Variants in RAPGEF2 observed in about 807,000 individuals in gnomAD.
The protein encoded by RAPGEF2 is Rap guanine nucleotide exchange factor 2.
RAPGEF2 carries 54 observed loss-of-function variants against 186.7 expected under a neutral mutation model. That is an observed-to-expected ratio of 0.29 (90% confidence interval 0.23 to 0.36). The LOEUF (loss-of-function observed/expected upper bound fraction) is 0.36, where lower values mean the gene tolerates loss of function less well. RAPGEF2 is among the 10% of genes least tolerant of loss of function. The probability of loss-of-function intolerance (pLI) is 1.00; values close to 1 mark genes in which losing one functional copy is unlikely to be tolerated. For synonymous variants in RAPGEF2, 712 were observed against 705.9 expected, an observed-to-expected ratio of 1.01 and a Z score of -0.14; for missense variants, 1,532 against 2,045.0, an observed-to-expected ratio of 0.75 and a Z score of 4.84.
intron 3 of RAPGEF2, among the ~76,000 whole-genome samples, chr4:159,199,909 GTAAAT>G: frequency 6.6e-6 from 1 of 152,270 alleles, no homozygotes; most frequent in Non-Finnish European, 1.5e-5. Context: ...AGAGACATTT[GTAAAT>G]TAATTTCATA....
chr4:159,190,814 C>T (rs1180214648), intron 2 of RAPGEF2, among the ~76,000 whole-genome samples: 1 of 152,164 alleles, frequency 6.6e-6, no homozygotes, highest in African/African-American at 2.4e-5. Flanking sequence ...TCAGTTATCA[C>T]CACTGATCCC....
At chr4:159,166,538 C>T (rs1252461338) in intron 1 of RAPGEF2, among the ~76,000 whole-genome samples, 1 of 152,076 alleles carries the variant, frequency 6.6e-6, no homozygotes, top group South Asian at 2.1e-4. Flanking sequence ...TTGTAGTTAA[C>T]CTAGAGAAGT....
At chr4:159,268,235 C>T (rs1438366088) in intron 7 of RAPGEF2, 1 of 1,537,626 alleles carries the variant, frequency 6.5e-7, no homozygotes, top group Non-Finnish European at 9.0e-7. Flanking sequence ...GCAAATGCTG[C>T]TTGTGCTTTG....
chr4:159,171,679 C>CT (rs1745919371), intron 1 of RAPGEF2, among the ~76,000 whole-genome samples: 1 of 114,556 alleles, frequency 8.7e-6, no homozygotes, highest in Non-Finnish European at 1.7e-5. Flanking sequence ...AGGAGTGTCT[C>CT]TTAAATTTTT....
At chr4:159,333,731 G>C (rs1767007896) in intron 17 of RAPGEF2, among the ~76,000 whole-genome samples, 1 of 152,132 alleles carries the variant, frequency 6.6e-6, no homozygotes, top group Non-Finnish European at 1.5e-5. Flanking sequence ...CTTGATTACT[G>C]TCAGCCATTT....
intron 7 of RAPGEF2, among the ~76,000 whole-genome samples, chr4:159,269,268 G>A (rs376354485): frequency 1.3e-5 from 2 of 152,260 alleles, no homozygotes; most frequent in African/African-American, 4.8e-5. Flanking sequence ...CTTAGACTAA[G>A]TGATTCTTTG....
At chr4:159,305,673 T>C (rs1763193985) in intron 8 of RAPGEF2, among the ~76,000 whole-genome samples, 1 of 152,180 alleles carries the variant, frequency 6.6e-6, no homozygotes, top group Non-Finnish European at 1.5e-5. Flanking sequence ...AGAAGGTTTT[T>C]AGTTTTATTA....
intron 1 of RAPGEF2, among the ~76,000 whole-genome samples, chr4:159,156,900 A>G (rs1744192370): frequency 6.6e-6 from 1 of 152,182 alleles, no homozygotes; most frequent in South Asian, 2.1e-4. Flanking sequence ...TATAACAACC[A>G]TTTGCAGAGT....
At chr4:159,342,044 GGT>G (rs1729539770) in intron 20 of RAPGEF2, 97 bp downstream of exon 20, 3 of 1,182,290 alleles carry the variant, frequency 2.5e-6, no homozygotes, top group Non-Finnish European at 3.5e-6. Flanking sequence ...AAATGCTATA[GGT>G]TTTAATTGAC....
At chr4:159,152,427 A>G (rs191236601) in intron 1 of RAPGEF2, among the ~76,000 whole-genome samples, 18 of 152,342 alleles carry the variant, frequency 1.2e-4, no homozygotes, top group Admixed American at 8.5e-4. Flanking sequence ...TCCTGAATCT[A>G]TGAAATTCTT....
At chr4:159,280,240 C>A (rs1759511170) in intron 7 of RAPGEF2, among the ~76,000 whole-genome samples, 1 of 152,176 alleles carries the variant, frequency 6.6e-6, no homozygotes, top group African/African-American at 2.4e-5. Flanking sequence ...CTCAGCCAGA[C>A]TGACTTAGCA....
chr4:159,129,267 T>C (rs185170740), intron 1 of RAPGEF2, among the ~76,000 whole-genome samples: 123 of 152,304 alleles, frequency 8.1e-4, no homozygotes, highest in African/African-American at 2.7e-3. Context: ...CTTTATATTA[T>C]GCCTCTAGTT....
chr4:159,249,285 C>CTT (rs34205767), intron 7 of RAPGEF2, among the ~76,000 whole-genome samples: 242 of 123,224 alleles, frequency 2.0e-3, no homozygotes, highest in African/African-American at 6.7e-3. Context: ...AAAAAAGTCT[C>CTT]TTTTTTTTTT....
intron 4 of RAPGEF2, among the ~76,000 whole-genome samples, chr4:159,225,955 C>G (rs1751990480): frequency 6.6e-6 from 1 of 152,020 alleles, no homozygotes; most frequent in African/African-American, 2.4e-5. Context: ...AAAACTTTGT[C>G]TTTTTGAAAG....
At position 159,104,223 on chromosome 4, in the gene RAPGEF2, A is replaced by AC; in HGVS notation, c.67dup (p.Gln23ProfsTer25). The AC allele has an allele frequency of 5.0e-6, 5 of 1,003,738 alleles. No individual in the cohort carries two copies. Among genetic ancestry groups the AC allele is most frequent in the Admixed American group, 3.3e-5 (1 of 30,648 alleles). 62.2% of individuals were successfully genotyped at this position (1,003,738 alleles called of 1,614,324 possible). A position where few individuals can be genotyped will look rare whatever the true frequency, so the allele number is the denominator to read the frequency against. ...GGTGATGAAGAATCCCCCCGAAAGG[A>AC]CCCCCCAGGTGAGAACGCGGCGGCC... On this transcript the variant is annotated frameshift_variant, in exon 1 of 30. Coordinates refer to ENST00000691494, the MANE Select transcript of RAPGEF2 (RefSeq NM_001394067.2). LOFTEE classifies it high-confidence loss of function.
chr4:159,283,770 A>T (rs994812384), intron 7 of RAPGEF2, among the ~76,000 whole-genome samples: 1 of 152,192 alleles, frequency 6.6e-6, no homozygotes, highest in Non-Finnish European at 1.5e-5. Context: ...CATTTTTTTA[A>T]AAAAACCCTT....
At chr4:159,282,299 C>T (rs563317244) in intron 7 of RAPGEF2, among the ~76,000 whole-genome samples, 1 of 152,286 alleles carries the variant, frequency 6.6e-6, no homozygotes, top group East Asian at 1.9e-4. Context: ...ATTAACTACT[C>T]TTTACACATT....
intron 9 of RAPGEF2, 104 bp downstream of exon 9, chr4:159,314,872 T>G: frequency 7.5e-6 from 8 of 1,063,224 alleles, no homozygotes; most frequent in Non-Finnish European, 1.1e-5. Context: ...AAAAACTCAT[T>G]AATTTATTAA....
intron 1 of RAPGEF2, among the ~76,000 whole-genome samples, chr4:159,158,163 T>A (rs1308651553): frequency 6.6e-6 from 1 of 152,226 alleles, no homozygotes; most frequent in Non-Finnish European, 1.5e-5. Context: ...TGCATTGTAT[T>A]TTTGCCAAAA....
Sources: gnomAD v4.1 joint callset for allele counts (sites outside exome capture counted in the v4.1 genomes callset) on GRCh38, gnomAD v4.1.1 for gene constraint, MANE v1.5 for transcripts, NCBI Gene and HGNC (gene_info 2026-07-23, HGNC 2026-07-21) for gene names.